The following MBNL1 variants were observed in gnomAD, a reference collection of about 807,000 sequenced individuals.
MBNL1 encodes the protein muscleblind like splicing regulator 1.
A neutral mutation model predicts 42.2 loss-of-function variants in MBNL1; 8 were observed. The observed-to-expected ratio is 0.19, with a 90% CI of 0.11 to 0.34. The LOEUF (loss-of-function observed/expected upper bound fraction) is 0.34. MBNL1 is among the 10% of genes least tolerant of loss of function. The probability of loss-of-function intolerance (pLI) is 1.00; values close to 1 mark genes in which losing one functional copy is unlikely to be tolerated. For synonymous variants in MBNL1, 169 were observed against 173.9 expected (o/e 0.97, Z 0.22); for missense variants, 309 against 495.3 (o/e 0.62, Z 3.57).
rs141157452 is a variant in MBNL1 at position 152,245,771 on chromosome 3, G to A, written n.333+1331G>A. On this transcript the variant is annotated intron_variant and non_coding_transcript_variant, in intron 2 of 2. Coordinates refer to the MBNL1 transcript ENST00000477171. ...AATAGTTGCTGTCTTCTTATTATAG[G>A]GAGAAGGAAAGCAGAGTGTTACTGT... is the stretch of plus-strand genomic sequence containing the variant. Among the ~76,000 whole-genome samples, 210 of 152,142 alleles carry A rather than the reference G, an allele frequency of 1.4e-3. 2 individuals are homozygous for A. In the South Asian group the frequency reaches 0.017, roughly 13 times the overall value.
intron 2 of MBNL1, among the ~76,000 whole-genome samples, chr3:152,399,019 T>C (rs1244614446): frequency 6.6e-6 from 1 of 152,192 alleles, no homozygotes; most frequent in Non-Finnish European, 1.5e-5. Context: ...CAGAACTCTT[T>C]ATCTGAATGT....
chr3:152,403,205 TA>T (rs36081596), intron 2 of MBNL1, among the ~76,000 whole-genome samples: 72,378 of 150,798 alleles, frequency 0.48, 17,644 homozygotes, highest in Middle Eastern at 0.61. Flanking sequence ...TCTGGTTTGT[TA>T]AAAAAAAAAC....
rs1385525313 is a variant in MBNL1 at position 152,464,427 on chromosome 3, T to C, written c.*2061T>C. 1 of 152,588 alleles carries C rather than the reference T, an allele frequency of 6.6e-6. No individual in the cohort carries two copies. The highest frequency in any genetic ancestry group is 6.5e-5 in the Admixed American group (1 of 15,284). The allele number at this position is 152,588 out of a possible 1,614,324, so 9.5% of individuals were successfully genotyped here. On this transcript the variant is annotated 3_prime_UTR_variant, in exon 10 of 10. Transcript: ENST00000324210. ...AAAGATCTTTTATATGGATATCTTA[T>C]AAATATATAATCATTGCTAAGTAAG...
intron 2 of MBNL1, among the ~76,000 whole-genome samples, chr3:152,256,116 A>G (rs2149454087): frequency 6.6e-6 from 1 of 152,344 alleles, no homozygotes; most frequent in South Asian, 2.1e-4. Context: ...TGGCTAACAC[A>G]GTCTTGGAAA....
At chr3:152,359,078 A>C (rs2095745200) in intron 2 of MBNL1, among the ~76,000 whole-genome samples, 1 of 152,242 alleles carries the variant, frequency 6.6e-6, no homozygotes, top group African/African-American at 2.4e-5. Flanking sequence ...TTAAAACCTT[A>C]TATCCCTGAA....
At chr3:152,317,812 G>C (rs943459669) in intron 2 of MBNL1, among the ~76,000 whole-genome samples, 1 of 152,096 alleles carries the variant, frequency 6.6e-6, no homozygotes, top group Non-Finnish European at 1.5e-5. Context: ...TCAAAAAGAC[G>C]ATAAAGGATA....
intron 2 of MBNL1, among the ~76,000 whole-genome samples, chr3:152,255,155 C>T (rs913966939): frequency 1.3e-5 from 2 of 151,918 alleles, no homozygotes; most frequent in Admixed American, 1.3e-4. Context: ...ATAGAAGGTG[C>T]CACATGAAAG....
At chr3:152,269,501 C>G (rs922857228) in intron 1 of MBNL1, 5 of 455,186 alleles carry the variant, frequency 1.1e-5, no homozygotes, top group African/African-American at 1.0e-4. Context: ...CCCGGCGGCT[C>G]CCGCATCCCT....
intron 1 of MBNL1, among the ~76,000 whole-genome samples, chr3:152,287,622 A>G (rs780715446): frequency 1.2e-3 from 189 of 152,346 alleles, no homozygotes; most frequent in Non-Finnish European, 2.2e-3. Flanking sequence ...GTTACCCACG[A>G]GTCACTGATT....
intron 3 of MBNL1, among the ~76,000 whole-genome samples, chr3:152,416,024 A>G (rs1579967468): frequency 6.6e-6 from 1 of 152,342 alleles, no homozygotes; most frequent in East Asian, 1.9e-4. Context: ...AATTTATGTC[A>G]CTAGCTTATA....
At chr3:152,269,488 C>A in intron 1 of MBNL1, 2 of 454,716 alleles carry the variant, frequency 4.4e-6, no homozygotes, top group South Asian at 3.1e-5. Context: ...GCGCGCGGGT[C>A]TTCCCGGCGG....
At chr3:152,274,612 T>C (rs1182194965) in intron 1 of MBNL1, among the ~76,000 whole-genome samples, 5 of 152,184 alleles carry the variant, frequency 3.3e-5, no homozygotes, top group Non-Finnish European at 5.9e-5. Context: ...TAGCAAAATA[T>C]TATTCTGTTA....
chr3:152,399,809 A>C (rs1453740935), intron 2 of MBNL1, among the ~76,000 whole-genome samples: 1 of 152,028 alleles, frequency 6.6e-6, no homozygotes, highest in Non-Finnish European at 1.5e-5. Context: ...ACCCATTCTT[A>C]TTTAATTTTT....
In MBNL1 at chr3:152,397,786, A is replaced by ATG. The variant is rs201613759; in HGVS notation, c.175-17153_175-17152dup. Among the ~76,000 whole-genome samples, 19 of 152,298 alleles carry ATG rather than the reference A, an allele frequency of 1.2e-4. No homozygotes were observed. The East Asian group carries it at 3.7e-3, about 29-fold the overall frequency. ...CTCCAGTGTTTTTACCAATTCACACATGTAGAGAGGAACCTTCCCCCCACC... is the reference window on the plus strand; with the variant it reads ...CTCCAGTGTTTTTACCAATTCACACATGTGTAGAGAGGAACCTTCCCCCCACC... On this transcript the variant is annotated intron_variant, in intron 2 of 9. Transcript: ENST00000324210.
At chr3:152,249,378 G>A (rs1446539177) in intron 2 of MBNL1, among the ~76,000 whole-genome samples, 1 of 136,854 alleles carries the variant, frequency 7.3e-6, no homozygotes, top group Non-Finnish European at 1.6e-5. Flanking sequence ...GTGATGATGA[G>A]CATTTTTTCA....
chr3:152,350,440 A>G (rs2094832276), intron 2 of MBNL1, among the ~76,000 whole-genome samples: 1 of 152,104 alleles, frequency 6.6e-6, no homozygotes, highest in South Asian at 2.1e-4. Flanking sequence ...GAAATTCAAT[A>G]ATAATAAGAG....
chr3:152,317,578 T>C (rs13068236), intron 2 of MBNL1, among the ~76,000 whole-genome samples: 110,892 of 152,000 alleles, frequency 0.73, 40,640 homozygotes, highest in East Asian at 0.81. Context: ...CCTTGGCCTC[T>C]GAAAGTGTTG....
At chr3:152,418,629 A>AG (rs1560515413) in intron 3 of MBNL1, among the ~76,000 whole-genome samples, 2 of 150,480 alleles carry the variant, frequency 1.3e-5, no homozygotes, top group Admixed American at 6.6e-5. Flanking sequence ...AAAAAAAAAA[A>AG]AAGAGAGAGA....
At chr3:152,411,566 A>G (rs1179438924) in intron 2 of MBNL1, among the ~76,000 whole-genome samples, 1 of 152,146 alleles carries the variant, frequency 6.6e-6, no homozygotes, top group African/African-American at 2.4e-5. Flanking sequence ...TTATATTTAT[A>G]TTTCGCATTA....
Sources: allele counts gnomAD v4.1 joint callset (sites outside exome capture counted in the v4.1 genomes callset), GRCh38; gene constraint gnomAD v4.1.1; transcripts MANE v1.5; gene names NCBI Gene and HGNC (gene_info 2026-07-23, HGNC 2026-07-21).